GDA: variants seen among roughly 807,000 people sequenced by gnomAD.
GDA encodes cytoplasmic PSD-95 interactor.
GDA carries 18 observed loss-of-function variants against 59.6 expected under a neutral mutation model. That is an observed-to-expected ratio of 0.30 (90% CI 0.21 to 0.45). The LOEUF is 0.45. Among genes scored for constraint, GDA ranks in the 20% least tolerant of loss-of-function variants. The pLI, the probability that GDA is intolerant of heterozygous loss-of-function variation, is 1.00. For synonymous variants in GDA, 201 were observed against 201.1 expected, an observed-to-expected ratio of 1.00 and a Z score of 0.00; for missense variants, 427 against 552.3, an observed-to-expected ratio of 0.77 and a Z score of 2.27.
intron 1 of GDA, among the ~76,000 whole-genome samples, chr9:72,158,955 A>G (rs930884254): frequency 3.3e-5 from 5 of 152,160 alleles, no homozygotes; most frequent in African/African-American, 9.7e-5. Flanking sequence ...ACTTGGCTGC[A>G]GTCACAGCAA....
chr9:72,196,484 TAAA>T (rs751315876), intron 2 of GDA, among the ~76,000 whole-genome samples: 5 of 131,320 alleles, frequency 3.8e-5, no homozygotes, highest in African/African-American at 1.3e-4. Context: ...AAGACTCTGT[TAAA>T]AAAAAAAAAA....
At chr9:72,213,540 A>T (rs1256652374) in intron 4 of GDA, among the ~76,000 whole-genome samples, 1 of 151,756 alleles carries the variant, frequency 6.6e-6, no homozygotes. Flanking sequence ...GCGGTGGCTC[A>T]CGCCTGTAAT....
chr9:72,225,395 G>T (rs1837425738), intron 7 of GDA, among the ~76,000 whole-genome samples: 1 of 152,014 alleles, frequency 6.6e-6, no homozygotes, highest in Non-Finnish European at 1.5e-5. Flanking sequence ...GACTTTGTTG[G>T]AAAAATTTGT....
At chr9:72,129,491 G>T (rs17057456) in intron 1 of GDA, among the ~76,000 whole-genome samples, 1 of 152,160 alleles carries the variant, frequency 6.6e-6, no homozygotes, top group Non-Finnish European at 1.5e-5. Flanking sequence ...GACTCAATGG[G>T]TGTTGAATCA....
intron 11 of GDA, 34 bp from the exon 12 acceptor site, chr9:72,245,114 C>G (rs1840011236): frequency 6.2e-7 from 1 of 1,609,722 alleles, no homozygotes; most frequent in Non-Finnish European, 8.5e-7. Context: ...TGATGGCTTG[C>G]AATCCTGACT....
chr9:72,152,448 G>C (rs914112759), intron 1 of GDA, among the ~76,000 whole-genome samples: 2 of 152,176 alleles, frequency 1.3e-5, no homozygotes, highest in Non-Finnish European at 2.9e-5. Context: ...GTAGCATGTA[G>C]CTTTTAAGAA....
intron 1 of GDA, among the ~76,000 whole-genome samples, chr9:72,133,520 A>AT (rs1446541912): frequency 1.3e-5 from 2 of 152,052 alleles, no homozygotes; most frequent in Non-Finnish European, 2.9e-5. Context: ...TTCTTTGGGA[A>AT]TGTCGAGCTG....
intron 1 of GDA, among the ~76,000 whole-genome samples, chr9:72,171,388 A>G (rs976602713): frequency 2.0e-5 from 3 of 152,154 alleles, no homozygotes; most frequent in African/African-American, 4.8e-5. Flanking sequence ...ACTTCGTATC[A>G]GATCATCTAG....
chr9:72,229,308 G>A (rs1330867213), intron 9 of GDA: 5 of 152,854 alleles, frequency 3.3e-5, no homozygotes, highest in African/African-American at 7.3e-5. Flanking sequence ...CCGAGATCGC[G>A]CCACTGCACT....
chr9:72,200,036 C>T (rs1833752389), intron 2 of GDA, among the ~76,000 whole-genome samples: 1 of 135,018 alleles, frequency 7.4e-6, no homozygotes, highest in South Asian at 2.3e-4. Flanking sequence ...CTCGCTCTGT[C>T]ACCCAGGCTG....
At chr9:72,200,303 C>T (rs1313176169) in intron 2 of GDA, among the ~76,000 whole-genome samples, 5 of 151,822 alleles carry the variant, frequency 3.3e-5, no homozygotes, top group Non-Finnish European at 5.9e-5. Context: ...GCCTCCTCTC[C>T]TTCTTTTCTT....
upstream of GDA, among the ~76,000 whole-genome samples, chr9:72,146,856 C>G (rs965527440): frequency 2.6e-5 from 4 of 152,144 alleles, no homozygotes; most frequent in African/African-American, 9.7e-5. Context: ...CCCAGGGCTT[C>G]TGGATCCTGG....
At chr9:72,170,678 A>T (rs1297195868) in intron 1 of GDA, among the ~76,000 whole-genome samples, 1 of 152,200 alleles carries the variant, frequency 6.6e-6, no homozygotes, top group Non-Finnish European at 1.5e-5. Context: ...TCCCATGAGC[A>T]AATCAGCAAG....
chr9:72,214,537 G>A (rs1004685555), intron 5 of GDA, among the ~76,000 whole-genome samples: 1 of 151,462 alleles, frequency 6.6e-6, no homozygotes, highest in African/African-American at 2.4e-5. Context: ...CTCGTGATCT[G>A]CCCGCCTCGG....
At chr9:72,159,183 C>A (rs1318833697) in intron 1 of GDA, among the ~76,000 whole-genome samples, 4 of 152,138 alleles carry the variant, frequency 2.6e-5, no homozygotes, top group Non-Finnish European at 5.9e-5. Flanking sequence ...ATCACAAGCT[C>A]AGGAGTTCAA....
At chr9:72,167,445 C>T (rs557804554) in intron 1 of GDA, among the ~76,000 whole-genome samples, 4 of 152,148 alleles carry the variant, frequency 2.6e-5, no homozygotes, top group African/African-American at 9.6e-5. Flanking sequence ...TTACCTGAAC[C>T]CTTAGCAGTT....
Position 72,213,123 on chromosome 9 carries a change from C to T in GDA, c.473-763C>T, listed in dbSNP as rs538891707. On this transcript the variant is annotated intron_variant, in intron 4 of 13. Coordinates refer to ENST00000358399, the MANE Select transcript of GDA (RefSeq NM_004293.5). ...TCTCTACTAAAAATACAAAAATTAGCTGGGCACAGTGGTGCGTGCCTGTAA... is the reference window on the plus strand; with the variant it reads ...TCTCTACTAAAAATACAAAAATTAGTTGGGCACAGTGGTGCGTGCCTGTAA... Among the ~76,000 whole-genome samples the T allele has an allele frequency of 2.0e-5, 3 of 152,082 alleles. No homozygotes were observed. The East Asian group carries it at 5.8e-4, about 30-fold the overall frequency.
chr9:72,254,495 C>T (rs1443024872), downstream of GDA, among the ~76,000 whole-genome samples: 1 of 152,116 alleles, frequency 6.6e-6, no homozygotes, highest in Non-Finnish European at 1.5e-5. Context: ...ATTTCATACT[C>T]CACTTGGGCC....
intron 10 of GDA, among the ~76,000 whole-genome samples, chr9:72,236,878 C>T (rs1355436030): frequency 6.8e-6 from 1 of 147,960 alleles, no homozygotes; most frequent in Non-Finnish European, 1.5e-5. Context: ...CTCCAGGGTT[C>T]AAGTGATTCT....
Sources: allele counts gnomAD v4.1 joint callset (sites outside exome capture counted in the v4.1 genomes callset), GRCh38; gene constraint gnomAD v4.1.1; transcripts MANE v1.5; gene names NCBI Gene and HGNC (gene_info 2026-07-23, HGNC 2026-07-21).